The following DYRK1B variants were observed in gnomAD, a reference collection of about 807,000 sequenced individuals.
DYRK1B encodes the protein dual specificity tyrosine phosphorylation regulated kinase 1B.
DYRK1B carries 20 observed loss-of-function variants against 57.1 expected under a neutral mutation model. The observed-to-expected ratio is 0.35, with a 90% CI of 0.25 to 0.51. The LOEUF (loss-of-function observed/expected upper bound fraction) is 0.51, where lower values mean the gene tolerates loss of function less well. DYRK1B is among the 20% of genes least tolerant of loss of function. The probability of loss-of-function intolerance (pLI) is 0.96; values close to 1 mark genes in which losing one functional copy is unlikely to be tolerated. For synonymous variants in DYRK1B, 409 were observed against 384.7 expected, an observed-to-expected ratio of 1.06 and a Z score of -0.74; for missense variants, 732 against 886.3, an observed-to-expected ratio of 0.83 and a Z score of 2.21.
rs765568899 is a variant in DYRK1B at position 39,825,863 on chromosome 19, G to C, written c.1742C>G (p.Ala581Gly). The change falls in exon 11 of 11, where the codon GCG becomes GGG. Residue 581 changes from alanine (A) to glycine (G), a missense_variant. By Grantham distance (60) the Ala-to-Gly change is moderately conservative (BLOSUM62 0). Transcript: ENST00000323039. ...GPADCSPPHP[A>G]PAPQHPAASA... ...GGCAGCCGGGTGCTGGGGGGCAGGCGCTGGGTGAGGTGGGGAGCAGTCAGC... is the reference window on the plus strand; with the variant it reads ...GGCAGCCGGGTGCTGGGGGGCAGGCCCTGGGTGAGGTGGGGAGCAGTCAGC... 5.0e-6 allele frequency: 8 copies of C among 1,602,824 alleles called. No homozygotes were observed. The East Asian group carries it at 1.8e-4, about 36-fold the overall frequency.
At position 39,827,004 on chromosome 19, in the gene DYRK1B, G is replaced by A; in HGVS notation, c.1096-17C>T. 4 of 1,404,006 alleles carry A rather than the reference G, an allele frequency of 2.8e-6. No homozygotes were observed. Among genetic ancestry groups the A allele is most frequent in the African/African-American group, 1.5e-5 (1 of 67,160 alleles). The allele number at this position is 1,404,006 out of a possible 1,614,324, so 87.0% of individuals were successfully genotyped here. On this transcript the variant is annotated splice_polypyrimidine_tract_variant and intron_variant, in intron 8 of 10. Coordinates refer to ENST00000323039, the MANE Select transcript of DYRK1B (RefSeq NM_004714.3). ...CTGGTAATCCTGGCAGGGAGGGGGT[G>A]GGAGGGGGGGCAAGAGAGTGGCCGT...
chr19:39,826,006 CGAG>C lies in DYRK1B; in HGVS notation c.1596_1598del (p.Ser534del), dbSNP rs1243169991. The C allele has an allele frequency of 6.6e-7, 1 of 1,522,490 alleles. No homozygotes were observed. Among genetic ancestry groups the C allele is most frequent in the Non-Finnish European group, 8.8e-7 (1 of 1,137,484 alleles). 94.3% of individuals were successfully genotyped at this position (1,522,490 alleles called of 1,614,324 possible). On this transcript the variant is annotated inframe_deletion, in exon 11 of 11. Coordinates refer to ENST00000323039, the MANE Select transcript of DYRK1B (RefSeq NM_004714.3). The surrounding 1 kb of genome is among the most constrained non-coding windows in gnomAD (Gnocchi z 6.3). ...ACTGGGCCCCGGTCCCAGGCAGTGA[CGAG>C]GCAGAGGCAGGGGCTTGATGTGTCT...
intron 1 of DYRK1B, among the ~76,000 whole-genome samples, chr19:39,832,488 C>T (rs927793959): frequency 1.3e-5 from 2 of 152,054 alleles, no homozygotes; most frequent in African/African-American, 4.8e-5. Flanking sequence ...CAGTAGATTC[C>T]CTCAACCCAG....
At chr19:39,832,846 C>T (rs1220880061) in intron 1 of DYRK1B, 2 of 931,656 alleles carry the variant, frequency 2.1e-6, no homozygotes, top group African/African-American at 1.8e-5. Context: ...TCAAGGCCCA[C>T]TCCTCCTGAT....
Position 39,826,730 on chromosome 19 carries a change from C to T in DYRK1B, c.1353G>A (p.Ser451=), listed in dbSNP as rs572640359. 85 of 1,600,654 alleles carry T rather than the reference C, an allele frequency of 5.3e-5. No individual in the cohort carries two copies. Among genetic ancestry groups the T allele is most frequent in the South Asian group, 3.3e-4 (29 of 88,776 alleles). Residue 451 remains serine (S), a synonymous_variant, in exon 9 of 11, where the codon TCG becomes TCA. Coordinates refer to ENST00000323039, the MANE Select transcript of DYRK1B (RefSeq NM_004714.3). The surrounding 1 kb of genome is among the most constrained non-coding windows in gnomAD (Gnocchi z 6.3). Reference sequence around the variant, plus strand: ...AGGGGCAGGTGTCGAGGGGCGCGGGCGAGGTGGAGGCACTGCTGCCTGCCG... The same window carrying T: ...AGGGGCAGGTGTCGAGGGGCGCGGGTGAGGTGGAGGCACTGCTGCCTGCCG... ...TGPAGSSAST[S]PAPLDTCPSS...
chr19:39,827,706 C>G (rs748919842), intron 6 of DYRK1B, 50 bp from the exon 7 acceptor site: 2 of 1,588,898 alleles, frequency 1.3e-6, no homozygotes, highest in Non-Finnish European at 1.7e-6. Flanking sequence ...ACTGGTCCCA[C>G]TGACACCCCC....
In DYRK1B at chr19:39,825,377, A is replaced by G. The variant is rs1968476207; in HGVS notation, c.*338T>C. 3.6e-6 allele frequency: 1 copy of G among 276,050 alleles called. No individual in the cohort carries two copies. The highest frequency in any genetic ancestry group is 8.2e-5 in the East Asian group (1 of 12,204). The allele number at this position is 276,050 out of a possible 1,614,324, so 17.1% of individuals were successfully genotyped here. A position where few individuals can be genotyped will look rare whatever the true frequency, so the allele number is the denominator to read the frequency against. On this transcript the variant is annotated 3_prime_UTR_variant, in exon 11 of 11. Transcript: ENST00000323039. ...TGAGAAAGCTCTTTACTGGGGGTACAGCGAGGAGGAGCAAGGCCATCTCCC... is the reference window on the plus strand; with the variant it reads ...TGAGAAAGCTCTTTACTGGGGGTACGGCGAGGAGGAGCAAGGCCATCTCCC...
At chr19:39,833,796 G>C (rs1385526161) in intron 1 of DYRK1B, among the ~76,000 whole-genome samples, 7 of 152,188 alleles carry the variant, frequency 4.6e-5, no homozygotes, top group Non-Finnish European at 7.4e-5. Flanking sequence ...GCGGGAGTGG[G>C]GCCCGGCTAC....
At chr19:39,829,699 A>T (rs12980289) in intron 5 of DYRK1B, 181 bp downstream of exon 5, 371,547 of 710,252 alleles carry the variant, frequency 0.52, 101,208 homozygotes, top group African/African-American at 0.71. Context: ...CATTACCAAG[A>T]AAATAGGACA....
chr19:39,829,696 A>G (rs1190630795), intron 5 of DYRK1B, 184 bp downstream of exon 5: 1 of 699,736 alleles, frequency 1.4e-6, no homozygotes, highest in Non-Finnish European at 2.2e-6. Flanking sequence ...GACCATTACC[A>G]AGAAAATAGG....
rs754630649 is a variant in DYRK1B at position 39,828,273 on chromosome 19, TCCCAGGA to T, written c.807+17_807+23del. 3 of 1,610,918 alleles carry T rather than the reference TCCCAGGA, an allele frequency of 1.9e-6. No homozygotes were observed. In the Admixed American group the frequency reaches 5.0e-5, roughly 27 times the overall value. On this transcript the variant is annotated intron_variant, in intron 6 of 10. Coordinates refer to ENST00000323039, the MANE Select transcript of DYRK1B (RefSeq NM_004714.3). This position sits in a 1 kb window ranked among gnomAD's most constrained non-coding sequence, Gnocchi z 4.3. ...GCCCCACCCAAACTACTAGCCGTGC[TCCCAGGA>T]CCGGGCCGCCCCCTACCCTCTGGCC... is the stretch of plus-strand genomic sequence containing the variant.
intron 5 of DYRK1B, among the ~76,000 whole-genome samples, chr19:39,829,402 C>A (rs1208808174): frequency 6.6e-6 from 1 of 151,928 alleles, no homozygotes; most frequent in African/African-American, 2.4e-5. Context: ...AATTTTTTCA[C>A]ATTTTTAGTA....
chr19:39,830,271 G>T, intron 4 of DYRK1B, 104 bp downstream of exon 4: 3 of 1,451,678 alleles, frequency 2.1e-6, no homozygotes, highest in Non-Finnish European at 2.9e-6. Flanking sequence ...AACTAAGTGG[G>T]CTAGGGTGAG....
Position 39,828,507 on chromosome 19 carries a change from G to A in DYRK1B, c.597C>T (p.Asp199=), listed in dbSNP as rs768079960. 20 of 1,613,636 alleles carry A rather than the reference G, an allele frequency of 1.2e-5. No individual in the cohort carries two copies. Among genetic ancestry groups the A allele is most frequent in the Non-Finnish European group, 1.6e-5 (19 of 1,179,888 alleles). ...CGCGGAAGTGGGTGTTGCGCAGGAGGTCGTACAGGTTGTAGGACAGCAGCT... is the reference window on the plus strand; with the variant it reads ...CGCGGAAGTGGGTGTTGCGCAGGAGATCGTACAGGTTGTAGGACAGCAGCT... The part of the protein sequence containing the change: ...VFELLSYNLY[D]LLRNTHFRGV... Residue 199 remains aspartate (D), a synonymous_variant, in exon 6 of 11, where the codon GAC becomes GAT. Coordinates refer to ENST00000323039, the MANE Select transcript of DYRK1B (RefSeq NM_004714.3). The surrounding 1 kb of genome is among the most constrained non-coding windows in gnomAD (Gnocchi z 4.3).
rs1968769432 is a variant in DYRK1B at position 39,830,719 on chromosome 19, G to C, written c.128C>G (p.Ala43Gly). Residue 43 changes from alanine to glycine, a missense_variant, in exon 3 of 11, where the codon GCC becomes GGC. Transcript: ENST00000323039. ...LPLAFRDATS[A>G]PLRKLSVDLI... is the part of the protein sequence containing the mutation. Reference sequence around the variant, plus strand: ...GTCCACAGAGAGCTTACGCAGCGGGGCTGAGGTTGCATCCCGGAAGGCCAG... The same window carrying C: ...GTCCACAGAGAGCTTACGCAGCGGGCCTGAGGTTGCATCCCGGAAGGCCAG... The C allele has an allele frequency of 6.2e-6, 10 of 1,614,192 alleles. No homozygotes were observed. In the East Asian group the frequency reaches 1.6e-4, roughly 25 times the overall value.
chr19:39,827,900 T>C (rs1968616503), intron 6 of DYRK1B, among the ~76,000 whole-genome samples: 1 of 152,090 alleles, frequency 6.6e-6, no homozygotes, highest in Non-Finnish European at 1.5e-5. Context: ...TCCTGGGCCC[T>C]TCTGGGTCAC....
chr19:39,828,354 G>A lies in DYRK1B; in HGVS notation c.750C>T (p.Pro250=), dbSNP rs1225944661. ...CCACAATCTTGATGGCGCTGCGCTT[G>A]GGGTTGCACAGCAAGATGTTTTCGG... ...LKPENILLCN[P]KRSAIKIVDF... The change falls in exon 6 of 11, where the codon CCC becomes CCT. Residue 250 remains proline (P), a synonymous_variant. Coordinates refer to ENST00000323039, the MANE Select transcript of DYRK1B (RefSeq NM_004714.3). The surrounding 1 kb of genome is among the most constrained non-coding windows in gnomAD (Gnocchi z 4.3). 3 of 1,614,068 alleles carry A rather than the reference G, an allele frequency of 1.9e-6. No individual in the cohort carries two copies. In the African/African-American group the frequency reaches 4.0e-5, roughly 22 times the overall value.
Position 39,827,372 on chromosome 19 carries a change from C to G in DYRK1B, c.1008G>C (p.Met336Ile), listed in dbSNP as rs774939972. The G allele has an allele frequency of 6.2e-7, 1 of 1,613,760 alleles. No homozygotes were observed. The highest frequency in any genetic ancestry group is 1.1e-5 in the South Asian group (1 of 91,078). Residue 336 changes from methionine to isoleucine, a missense_variant, in exon 8 of 11, where the codon ATG becomes ATC. By Grantham distance (10) the Met-to-Ile change is conservative. Transcript: ENST00000323039. Reference sequence around the variant, plus strand: ...TGCGAGCCTTGGGCGCCTGGTCCAGCATGGCGGCCGGTGGGATGCCCAGCA... The same window carrying G: ...TGCGAGCCTTGGGCGCCTGGTCCAGGATGGCGGCCGGTGGGATGCCCAGCA... ...VEVLGIPPAA[M>I]LDQAPKARKY...
chr19:39,827,013 G>T, intron 8 of DYRK1B, 26 bp from the exon 9 acceptor site: 7 of 486,292 alleles, frequency 1.4e-5, no homozygotes, highest in Non-Finnish European at 2.1e-5. Context: ...TGGGAGGGGG[G>T]GCAAGAGAGT....
Sources: gnomAD v4.1 joint callset for allele counts (sites outside exome capture counted in the v4.1 genomes callset) on GRCh38, gnomAD v4.1.1 for gene constraint, Gnocchi (gnomAD v3.1) non-coding constraint, MANE v1.5 for transcripts, NCBI Gene and HGNC (gene_info 2026-07-23, HGNC 2026-07-21) for gene names.